ARRDC4: variants seen among roughly 807,000 people sequenced by gnomAD.
ARRDC4 encodes the protein arrestin domain containing 4.
ARRDC4 carries 40 observed loss-of-function variants against 44.6 expected under a neutral mutation model. The ratio of observed to expected loss-of-function variants is 0.90; its 90% CI spans 0.70 to 1.17. ARRDC4 has a LOEUF of 1.17. ARRDC4 is among the 50% of genes most tolerant of loss of function. The pLI, the probability that ARRDC4 is intolerant of heterozygous loss-of-function variation, is 0.00. For synonymous variants in ARRDC4, 211 were observed against 221.2 expected, an observed-to-expected ratio of 0.95 and a Z score of 0.41; for missense variants, 550 against 559.1, an observed-to-expected ratio of 0.98 and a Z score of 0.16.
Position 97,970,204 on chromosome 15 carries a change from G to C in ARRDC4, c.1045+159G>C, listed in dbSNP as rs537289439. ...AATCAGAAAGCATTAGTCCTGGGAGGGACTTTGAAAGTTTAGCTTTATCTA... is the reference window on the plus strand; with the variant it reads ...AATCAGAAAGCATTAGTCCTGGGAGCGACTTTGAAAGTTTAGCTTTATCTA... On this transcript the variant is annotated intron_variant, in intron 6 of 7. Coordinates refer to ENST00000268042, the MANE Select transcript of ARRDC4 (RefSeq NM_183376.3). This position sits in a 1 kb window ranked among gnomAD's most constrained non-coding sequence, Gnocchi z 4.2. 6.6e-6 allele frequency among the ~76,000 whole-genome samples: 1 copy of C among 152,158 alleles called. No individual in the cohort carries two copies. The highest frequency in any genetic ancestry group is 1.9e-4 in the East Asian group (1 of 5,182).
chr15:97,965,011 C>CAT lies in ARRDC4; in HGVS notation c.308-588_308-587insTA, dbSNP rs1331351049. Among the ~76,000 whole-genome samples the CAT allele has an allele frequency of 6.6e-6, 1 of 152,050 alleles. No homozygotes were observed. The highest frequency in any genetic ancestry group is 2.4e-5 in the African/African-American group (1 of 41,334). On this transcript the variant is annotated intron_variant, in intron 1 of 7. Transcript: ENST00000268042. The surrounding 1 kb of genome is among the most constrained non-coding windows in gnomAD (Gnocchi z 5.1). ...TGATTTTTACATACACACACACACA[C>CAT]ACACACATATACATATCCATATACA...
In ARRDC4 at chr15:97,960,774, A is replaced by C; in HGVS notation, c.-88A>C. ...GCCGCGGCGGCCTTACCCTGCCGCG[A>C]GCGCCTGTGACAGCGGCGCCGCTGT... On this transcript the variant is annotated 5_prime_UTR_variant, in exon 1 of 8. Coordinates refer to ENST00000268042, the MANE Select transcript of ARRDC4 (RefSeq NM_183376.3). 1 of 1,178,254 alleles carries C rather than the reference A, an allele frequency of 8.5e-7. No homozygotes were observed. Among genetic ancestry groups the C allele is most frequent in the Non-Finnish European group, 1.1e-6 (1 of 934,422 alleles). 73.0% of individuals were successfully genotyped at this position (1,178,254 alleles called of 1,614,324 possible).
rs61281998 is a variant in ARRDC4 at position 97,965,833 on chromosome 15, C to CT, written c.375-55dup. 0.042 allele frequency: 65,449 copies of CT among 1,576,658 alleles called. 6,319 individuals are homozygous for CT. The highest frequency in any genetic ancestry group is 0.39 in the African/African-American group (28,566 of 72,924). ...CCAACCTAAAACATTTTAAACCATG[C>CT]TTTTTTTGGCTTTGTTTAACTGAAA... On this transcript the variant is annotated intron_variant, in intron 2 of 7. Transcript: ENST00000268042. The surrounding 1 kb of genome is among the most constrained non-coding windows in gnomAD (Gnocchi z 5.1).
intron 1 of ARRDC4, among the ~76,000 whole-genome samples, chr15:97,963,985 C>T (rs1198893247): frequency 6.6e-6 from 1 of 152,144 alleles, no homozygotes; most frequent in Admixed American, 6.5e-5. Flanking sequence ...ACCCGCCCTG[C>T]CACTGAATTT....
chr15:97,962,196 T>A (rs1022774504), intron 1 of ARRDC4, among the ~76,000 whole-genome samples: 4 of 152,166 alleles, frequency 2.6e-5, no homozygotes, highest in African/African-American at 9.7e-5. Flanking sequence ...ATATGTGGTT[T>A]TGCCCTATCC....
chr15:97,968,160 T>C lies in ARRDC4; in HGVS notation c.625+44T>C. 1 of 1,300,712 alleles carries C rather than the reference T, an allele frequency of 7.7e-7. No individual in the cohort carries two copies. The highest frequency in any genetic ancestry group is 1.5e-5 in the South Asian group (1 of 67,410). The allele number at this position is 1,300,712 out of a possible 1,614,324, so 80.6% of individuals were successfully genotyped here. On this transcript the variant is annotated intron_variant, in intron 4 of 7. Coordinates refer to ENST00000268042, the MANE Select transcript of ARRDC4 (RefSeq NM_183376.3). This position sits in a 1 kb window ranked among gnomAD's most constrained non-coding sequence, Gnocchi z 5.4. Reference sequence around the variant, plus strand: ...AGTCCAAATGAAAGATTTCATTCATTTTCTTAGCTAATTTTAAGTGATTTT... The same window carrying C: ...AGTCCAAATGAAAGATTTCATTCATCTTCTTAGCTAATTTTAAGTGATTTT...
In ARRDC4 at chr15:97,969,241, A is replaced by T. The variant is rs1468156247; in HGVS notation, c.744A>T (p.Arg248=). The change falls in exon 5 of 8, where the codon CGA becomes CGT. Residue 248 remains arginine (R), a synonymous_variant. Coordinates refer to ENST00000268042, the MANE Select transcript of ARRDC4 (RefSeq NM_183376.3). ...CTAGTGGAAAAACAAAGACCATTCG[A>T]CACATGGTCGCCAATGTGCGAGGAA... is the stretch of plus-strand genomic sequence containing the variant. ...YLASGKTKTI[R]HMVANVRGNH... is the part of the protein sequence containing the mutation. The T allele has an allele frequency of 6.2e-7, 1 of 1,613,954 alleles. No individual in the cohort carries two copies. The highest frequency in any genetic ancestry group is 1.1e-5 in the South Asian group (1 of 91,080).
In ARRDC4 at chr15:97,960,849, G is replaced by C. The variant is rs1264058725; in HGVS notation, c.-13G>C. ...CTGCCGACCTCAGGGGCAGGAAAGA[G>C]TCGCCCGGCGGGATGGGCGGGGAGG... On this transcript the variant is annotated 5_prime_UTR_variant, in exon 1 of 8. Coordinates refer to ENST00000268042, the MANE Select transcript of ARRDC4 (RefSeq NM_183376.3). 2 of 1,336,464 alleles carry C rather than the reference G, an allele frequency of 1.5e-6. No individual in the cohort carries two copies. The allele number at this position is 1,336,464 out of a possible 1,614,324, so 82.8% of individuals were successfully genotyped here. A position where few individuals can be genotyped will look rare whatever the true frequency, so the allele number is the denominator to read the frequency against.
intron 4 of ARRDC4, 23 bp from the exon 5 acceptor site, chr15:97,969,100 C>T (rs923959816): frequency 1.2e-6 from 2 of 1,607,604 alleles, no homozygotes; most frequent in Non-Finnish European, 1.7e-6. Flanking sequence ...TCTGAATCCT[C>T]CCTGGTTTTG....
chr15:97,965,243 C>T lies in ARRDC4; in HGVS notation c.308-357C>T, dbSNP rs1018160091. 4.8e-4 allele frequency among the ~76,000 whole-genome samples: 73 copies of T among 152,102 alleles called. No homozygotes were observed. The highest frequency in any genetic ancestry group is 1.7e-3 in the African/African-American group (70 of 41,414). ...GCCAGGAGTTCGAGACCAGCTTGGG[C>T]AATATAGCAAGACCCTCGTCTCTGG... On this transcript the variant is annotated intron_variant, in intron 1 of 7. Transcript: ENST00000268042. This position sits in a 1 kb window ranked among gnomAD's most constrained non-coding sequence, Gnocchi z 5.1.
At chr15:97,963,397 C>G (rs1482001838) in intron 1 of ARRDC4, among the ~76,000 whole-genome samples, 2 of 152,122 alleles carry the variant, frequency 1.3e-5, no homozygotes, top group Non-Finnish European at 2.9e-5. Flanking sequence ...TTTTCCATTT[C>G]TTTTTCCTGT....
Position 97,965,261 on chromosome 15 carries a change from G to A in ARRDC4, c.308-339G>A, listed in dbSNP as rs1899396096. Reference sequence around the variant, plus strand: ...GCTTGGGCAATATAGCAAGACCCTCGTCTCTGGAAAGAATTATTAAAAATT... The same window carrying A: ...GCTTGGGCAATATAGCAAGACCCTCATCTCTGGAAAGAATTATTAAAAATT... On this transcript the variant is annotated intron_variant, in intron 1 of 7. Coordinates refer to ENST00000268042, the MANE Select transcript of ARRDC4 (RefSeq NM_183376.3). The surrounding 1 kb of genome is among the most constrained non-coding windows in gnomAD (Gnocchi z 5.1). 6.6e-6 allele frequency among the ~76,000 whole-genome samples: 1 copy of A among 152,218 alleles called. No individual in the cohort carries two copies. The highest frequency in any genetic ancestry group is 1.9e-4 in the East Asian group (1 of 5,174).
At chr15:97,961,593 T>C (rs911794154) in intron 1 of ARRDC4, among the ~76,000 whole-genome samples, 2 of 152,216 alleles carry the variant, frequency 1.3e-5, no homozygotes, top group Non-Finnish European at 2.9e-5. Context: ...GCATACGTTC[T>C]TGGTTCATGA....
rs372153487 is a variant in ARRDC4, at chr15:97,965,862, A to G, written c.375-33A>G. ...TTTTGGCTTTGTTTAACTGAAAAGT[A>G]AACTCATAATTAATGTCTTTGGTTG... On this transcript the variant is annotated intron_variant, in intron 2 of 7. Transcript: ENST00000268042. This position sits in a 1 kb window ranked among gnomAD's most constrained non-coding sequence, Gnocchi z 5.1. 1 of 1,599,860 alleles carries G rather than the reference A, an allele frequency of 6.3e-7. No individual in the cohort carries two copies. The highest frequency in any genetic ancestry group is 8.5e-7 in the Non-Finnish European group (1 of 1,174,122).
At position 97,969,251 on chromosome 15, in the gene ARRDC4, G is replaced by T; in HGVS notation, c.754G>T (p.Ala252Ser). ...GKTKTIRHMV[A>S]NVRGNHIASG... ...AACAAAGACCATTCGACACATGGTCGCCAATGTGCGAGGAAACCACATCGC... is the reference window on the plus strand; with the variant it reads ...AACAAAGACCATTCGACACATGGTCTCCAATGTGCGAGGAAACCACATCGC... The change falls in exon 5 of 8, where the codon GCC becomes TCC. Residue 252 changes from alanine (A) to serine (S), a missense_variant. Ala to Ser is a moderately conservative substitution (Grantham distance 99). Transcript: ENST00000268042. 6.2e-7 allele frequency: 1 copy of T among 1,613,904 alleles called. No homozygotes were observed. Among genetic ancestry groups the T allele is most frequent in the Non-Finnish European group, 8.5e-7 (1 of 1,179,902 alleles).
Position 97,965,707 on chromosome 15 carries a change from A to G in ARRDC4, c.374+41A>G, listed in dbSNP as rs779499953. The G allele has an allele frequency of 4.5e-6, 7 of 1,572,988 alleles. No individual in the cohort carries two copies. The South Asian group carries it at 7.8e-5, about 17-fold the overall frequency. On this transcript the variant is annotated intron_variant, in intron 2 of 7. Transcript: ENST00000268042. This position sits in a 1 kb window ranked among gnomAD's most constrained non-coding sequence, Gnocchi z 5.1. ...CAATTTTGTGGTTATCCTTCTCTGCAGTATGTCCATTCAAGTTTATCACTG... is the reference window on the plus strand; with the variant it reads ...CAATTTTGTGGTTATCCTTCTCTGCGGTATGTCCATTCAAGTTTATCACTG...
At chr15:97,964,760 C>T (rs955257091) in intron 1 of ARRDC4, among the ~76,000 whole-genome samples, 1 of 152,266 alleles carries the variant, frequency 6.6e-6, no homozygotes, top group African/African-American at 2.4e-5. Flanking sequence ...AGGATACATA[C>T]ATGACTTGCT....
In ARRDC4 at chr15:97,966,939, CA is replaced by C. The variant is rs1332199975; in HGVS notation, c.522+898del. Among the ~76,000 whole-genome samples the C allele has an allele frequency of 2.0e-5, 3 of 151,878 alleles. No homozygotes were observed. The highest frequency in any genetic ancestry group is 7.2e-5 in the African/African-American group (3 of 41,384). The stretch of plus-strand genomic sequence containing the variant: ...TTTTTAAAGACAAGGAAAAAGCTAG[CA>C]GTTAGAAGTTGTTGTTTAAGTCTTA... On this transcript the variant is annotated intron_variant, in intron 3 of 7. Transcript: ENST00000268042. This position sits in a 1 kb window ranked among gnomAD's most constrained non-coding sequence, Gnocchi z 4.7.
rs1899527031 is a variant in ARRDC4 at position 97,972,113 on chromosome 15, T to C, written c.*926T>C. On this transcript the variant is annotated 3_prime_UTR_variant, in exon 8 of 8. Coordinates refer to ENST00000268042, the MANE Select transcript of ARRDC4 (RefSeq NM_183376.3). This position sits in a 1 kb window ranked among gnomAD's most constrained non-coding sequence, Gnocchi z 5.3. ...GTTATCAGATATGTTTTTAAATCTCTCGCCCTGAGTACTCTTCTTGGGAGT... is the reference window on the plus strand; with the variant it reads ...GTTATCAGATATGTTTTTAAATCTCCCGCCCTGAGTACTCTTCTTGGGAGT... 1 of 152,620 alleles carries C rather than the reference T, an allele frequency of 6.6e-6. No homozygotes were observed. The highest frequency in any genetic ancestry group is 2.4e-5 in the African/African-American group (1 of 41,452). 9.5% of individuals were successfully genotyped at this position (152,620 alleles called of 1,614,324 possible).
Sources: allele counts gnomAD v4.1 joint callset (sites outside exome capture counted in the v4.1 genomes callset), GRCh38; gene constraint gnomAD v4.1.1; non-coding constraint Gnocchi (gnomAD v3.1); transcripts MANE v1.5; gene names NCBI Gene and HGNC (gene_info 2026-07-23, HGNC 2026-07-21).